Variants in FAM13A observed in about 807,000 individuals in gnomAD.
The protein encoded by FAM13A is family with sequence similarity 13 member A.
FAM13A carries 76 observed loss-of-function variants against 129.6 expected under a neutral mutation model. The ratio of observed to expected loss-of-function variants is 0.59; its 90% CI spans 0.49 to 0.71. FAM13A has a LOEUF of 0.71. Among genes scored for constraint, FAM13A ranks in the 30% least tolerant of loss-of-function variants. The pLI is 0.00. For missense variants in FAM13A, 1,108 were observed against 1,249.3 expected, an observed-to-expected ratio of 0.89 and a Z score of 1.70; for synonymous variants, 443 against 449.9, an observed-to-expected ratio of 0.98 and a Z score of 0.20.
intron 2 of FAM13A, among the ~76,000 whole-genome samples, chr4:89,021,781 C>T (rs994862467): frequency 6.6e-6 from 1 of 151,312 alleles, no homozygotes; most frequent in African/African-American, 2.4e-5. Flanking sequence ...AAGTGAAAAA[C>T]AAAGAATAAA....
At chr4:89,016,368 T>TA (rs1313275489) in intron 3 of FAM13A, among the ~76,000 whole-genome samples, 1 of 152,152 alleles carries the variant, frequency 6.6e-6, no homozygotes, top group Admixed American at 6.5e-5. Context: ...AGTTATAAAG[T>TA]AAAAAAGTTA....
At chr4:89,015,340 T>G (rs1766335360) in intron 3 of FAM13A, among the ~76,000 whole-genome samples, 1 of 152,084 alleles carries the variant, frequency 6.6e-6, no homozygotes, top group Non-Finnish European at 1.5e-5. Context: ...GTACACTCCC[T>G]CCCCCTTTTG....
intron 4 of FAM13A, among the ~76,000 whole-genome samples, chr4:88,976,814 T>C (rs1332263901): frequency 7.1e-6 from 1 of 140,370 alleles, no homozygotes; most frequent in Non-Finnish European, 1.6e-5. Context: ...TTATAGTGTA[T>C]CTTTATTGTA....
intron 1 of FAM13A, among the ~76,000 whole-genome samples, chr4:89,042,203 A>C (rs1168590428): frequency 6.6e-6 from 1 of 152,030 alleles, no homozygotes; most frequent in South Asian, 2.1e-4. Flanking sequence ...GATCACAGAT[A>C]CAATGACCAA....
chr4:89,028,016 C>T (rs955656605), intron 2 of FAM13A, among the ~76,000 whole-genome samples: 4 of 150,454 alleles, frequency 2.7e-5, no homozygotes, highest in Admixed American at 6.7e-5. Context: ...ACCAACCTGG[C>T]CAACATGGTG....
chr4:88,979,841 T>C (rs9995465), intron 4 of FAM13A, among the ~76,000 whole-genome samples: 105,546 of 151,872 alleles, frequency 0.69, 36,792 homozygotes, highest in Middle Eastern at 0.79. Context: ...TGTGGTGGCA[T>C]GTGTCTGTAA....
rs536968606 is a variant in FAM13A, at chr4:88,732,364, T to C, written c.2647-166A>G. 3 of 486,374 alleles carry C rather than the reference T, an allele frequency of 6.2e-6. No homozygotes were observed. The East Asian group carries it at 9.5e-5, about 15-fold the overall frequency. 30.1% of individuals were successfully genotyped at this position (486,374 alleles called of 1,614,324 possible). A position where few individuals can be genotyped will look rare whatever the true frequency, so the allele number is the denominator to read the frequency against. ...TTACAGATATATTATTGAACATCTGTATTCGATATAAATATACACATTTAA... is the reference window on the plus strand; with the variant it reads ...TTACAGATATATTATTGAACATCTGCATTCGATATAAATATACACATTTAA... On this transcript the variant is annotated intron_variant, in intron 21 of 23. Transcript: ENST00000264344.
At chr4:88,738,134 T>C (rs1489527914) in intron 20 of FAM13A, among the ~76,000 whole-genome samples, 1 of 152,162 alleles carries the variant, frequency 6.6e-6, no homozygotes, top group African/African-American at 2.4e-5. Flanking sequence ...TTAAATACAT[T>C]GTTAAAAGAA....
chr4:88,750,545 G>C lies in FAM13A; in HGVS notation c.1819C>G (p.Leu607Val). The change falls in exon 15 of 24, where the codon CTG becomes GTG. Residue 607 changes from leucine to valine, a missense_variant. Physicochemically the swap from Leu to Val is conservative, Grantham distance 32. Transcript: ENST00000264344. ...ATGGGGTCGCTGTCTTCGTCCAGCA[G>C]CTGACGGATCAGGCGCCCAGCCTGC... ...SPQAGRLIRQLLDEDSDPMLS... is the reference protein window; with the variant it reads ...SPQAGRLIRQVLDEDSDPMLS... 1 of 1,614,184 alleles carries C rather than the reference G, an allele frequency of 6.2e-7. No individual in the cohort carries two copies. Among genetic ancestry groups the C allele is most frequent in the South Asian group, 1.1e-5 (1 of 91,082 alleles).
intron 4 of FAM13A, among the ~76,000 whole-genome samples, chr4:88,951,244 G>A (rs1756904248): frequency 6.6e-6 from 1 of 152,182 alleles, no homozygotes; most frequent in Non-Finnish European, 1.5e-5. Context: ...AGCAGATGAT[G>A]GGATGGGGCG....
At chr4:88,808,365 A>T (rs1286237133) in intron 7 of FAM13A, among the ~76,000 whole-genome samples, 1 of 152,196 alleles carries the variant, frequency 6.6e-6, no homozygotes, top group Non-Finnish European at 1.5e-5. Context: ...CATTTGAAAA[A>T]ATTACCATTT....
intron 4 of FAM13A, among the ~76,000 whole-genome samples, chr4:88,982,419 C>A (rs1761760051): frequency 6.6e-6 from 1 of 152,184 alleles, no homozygotes; most frequent in African/African-American, 2.4e-5. Context: ...TCTAACTCTG[C>A]CAATTGCTTA....
intron 11 of FAM13A, 169 bp from the exon 12 acceptor site, chr4:88,768,228 T>C: frequency 2.0e-6 from 1 of 507,336 alleles, no homozygotes; most frequent in Non-Finnish European, 3.5e-6. Context: ...GTTTATTATA[T>C]CCTGCTTGCA....
chr4:89,002,817 AAAGT>A (rs1432347457), intron 3 of FAM13A, among the ~76,000 whole-genome samples: 1 of 152,216 alleles, frequency 6.6e-6, no homozygotes, highest in East Asian at 1.9e-4. Context: ...TATCCTCAGA[AAAGT>A]AAGACGAGAA....
chr4:88,926,401 C>T (rs779029234), intron 5 of FAM13A, among the ~76,000 whole-genome samples: 1 of 152,110 alleles, frequency 6.6e-6, no homozygotes, highest in Non-Finnish European at 1.5e-5. Flanking sequence ...CTCCTATTTG[C>T]CAAATATACA....
At chr4:88,872,774 T>C (rs555380532) in intron 6 of FAM13A, among the ~76,000 whole-genome samples, 27 of 152,322 alleles carry the variant, frequency 1.8e-4, no homozygotes, top group South Asian at 1.7e-3. Context: ...AACTCAGCTC[T>C]GCAGCTTAGC....
intron 5 of FAM13A, among the ~76,000 whole-genome samples, chr4:88,933,335 C>G (rs539079058): frequency 6.6e-6 from 1 of 152,114 alleles, no homozygotes; most frequent in African/African-American, 2.4e-5. Context: ...GACAACAAGA[C>G]AAACCAGGCT....
chr4:88,779,145 A>G (rs1325626310), intron 11 of FAM13A, among the ~76,000 whole-genome samples: 1 of 152,214 alleles, frequency 6.6e-6, no homozygotes, highest in Non-Finnish European at 1.5e-5. Flanking sequence ...TGTAAGCTCC[A>G]GGAAGGCAGG....
chr4:88,891,185 G>A (rs1474425960), intron 6 of FAM13A, among the ~76,000 whole-genome samples: 1 of 152,214 alleles, frequency 6.6e-6, no homozygotes, highest in African/African-American at 2.4e-5. Context: ...CACATTGAGA[G>A]GCTGAGGCAG....
Sources: allele counts gnomAD v4.1 joint callset (sites outside exome capture counted in the v4.1 genomes callset), GRCh38; gene constraint gnomAD v4.1.1; transcripts MANE v1.5; gene names NCBI Gene and HGNC (gene_info 2026-07-23, HGNC 2026-07-21).